Variants in FSTL5 observed in about 807,000 individuals in gnomAD.
FSTL5 encodes the protein follistatin like 5.
FSTL5 carries 62 observed loss-of-function variants against 89.1 expected under a neutral mutation model. That is an observed-to-expected ratio of 0.70 (90% CI 0.57 to 0.86). FSTL5 has a LOEUF of 0.86. Ranked by LOEUF, FSTL5 falls within the 40% of genes least tolerant of loss-of-function variation. The pLI is 0.00. For synonymous variants in FSTL5, 383 were observed against 346.2 expected (o/e 1.11, Z -1.18); for missense variants, 1,057 against 1,001.6 (o/e 1.06, Z -0.75).
At chr4:161,625,495 T>G (rs532994257) in intron 7 of FSTL5, among the ~76,000 whole-genome samples, 1 of 152,212 alleles carries the variant, frequency 6.6e-6, no homozygotes, top group South Asian at 2.1e-4. Flanking sequence ...AAAAATTGCG[T>G]GTGTTCTTAA....
At chr4:161,472,815 C>T (rs1326589210) in intron 13 of FSTL5, among the ~76,000 whole-genome samples, 1 of 151,864 alleles carries the variant, frequency 6.6e-6, no homozygotes, top group Admixed American at 6.6e-5. Context: ...ACCTCTGCCT[C>T]CTGGGTTCAA....
chr4:162,131,620 A>G (rs1443775657), intron 1 of FSTL5, among the ~76,000 whole-genome samples: 2 of 152,158 alleles, frequency 1.3e-5, no homozygotes, highest in African/African-American at 2.4e-5. Flanking sequence ...ACCCCATGCA[A>G]TTGGAGAGTA....
At chr4:161,529,931 G>T (rs1731353257) in intron 10 of FSTL5, among the ~76,000 whole-genome samples, 1 of 142,554 alleles carries the variant, frequency 7.0e-6, no homozygotes, top group African/African-American at 2.5e-5. Context: ...GATGACTTTT[G>T]CATTTGGCTT....
At chr4:162,089,651 GA>G (rs76543135) in intron 2 of FSTL5, among the ~76,000 whole-genome samples, 5,999 of 82,820 alleles carry the variant, frequency 0.072, 252 homozygotes, top group South Asian at 0.16. Context: ...AAAAAAAAAA[GA>G]AAAAAAAGAA....
chr4:161,877,114 G>A (rs905606848), intron 4 of FSTL5, among the ~76,000 whole-genome samples: 5 of 150,182 alleles, frequency 3.3e-5, no homozygotes, highest in Non-Finnish European at 5.9e-5. Context: ...AACCCAGGAG[G>A]TGGAGGTTGC....
chr4:161,834,207 G>A (rs1434703732), intron 4 of FSTL5, among the ~76,000 whole-genome samples: 2 of 152,084 alleles, frequency 1.3e-5, no homozygotes, highest in Non-Finnish European at 2.9e-5. Flanking sequence ...AAAACCACAT[G>A]ATTATCTCAA....
chr4:161,911,610 T>A (rs1334829958), intron 4 of FSTL5, among the ~76,000 whole-genome samples: 1 of 152,134 alleles, frequency 6.6e-6, no homozygotes, highest in East Asian at 1.9e-4. Flanking sequence ...AAGAAAGACA[T>A]GACAGGTAGA....
At chr4:162,077,188 G>A (rs1271818130) in intron 2 of FSTL5, among the ~76,000 whole-genome samples, 1 of 151,778 alleles carries the variant, frequency 6.6e-6, no homozygotes, top group Non-Finnish European at 1.5e-5. Flanking sequence ...GTCTTCCCTG[G>A]CAGAAAAGCA....
chr4:161,425,712 G>A (rs926589378), intron 15 of FSTL5, among the ~76,000 whole-genome samples: 4 of 152,154 alleles, frequency 2.6e-5, no homozygotes, highest in Non-Finnish European at 5.9e-5. Flanking sequence ...TGGAGCTGGA[G>A]TGACTTTGGA....
intron 10 of FSTL5, among the ~76,000 whole-genome samples, chr4:161,520,765 A>G (rs1730995732): frequency 6.6e-6 from 1 of 152,212 alleles, no homozygotes; most frequent in Non-Finnish European, 1.5e-5. Context: ...CAAAAATTGA[A>G]GAATTACAAA....
chr4:161,818,621 G>T (rs185694208), intron 4 of FSTL5, among the ~76,000 whole-genome samples: 2 of 152,178 alleles, frequency 1.3e-5, no homozygotes, highest in Non-Finnish European at 2.9e-5. Flanking sequence ...TTGTAGAAGT[G>T]AGCCACACCC....
intron 9 of FSTL5, among the ~76,000 whole-genome samples, 153 bp from the exon 10 acceptor site, chr4:161,538,453 A>G (rs1731708747): frequency 6.6e-6 from 1 of 152,198 alleles, no homozygotes; most frequent in Non-Finnish European, 1.5e-5. Flanking sequence ...AAATTATTCC[A>G]GAAGCATTCA....
intron 13 of FSTL5, among the ~76,000 whole-genome samples, chr4:161,466,384 A>T (rs1292623597): frequency 6.6e-6 from 1 of 152,206 alleles, no homozygotes; most frequent in East Asian, 1.9e-4. Context: ...AGCAGCAAAG[A>T]TACACAGAAC....
At chr4:161,965,517 G>C (rs917529201) in intron 3 of FSTL5, among the ~76,000 whole-genome samples, 2 of 152,090 alleles carry the variant, frequency 1.3e-5, no homozygotes, top group African/African-American at 4.8e-5. Flanking sequence ...TGGTGGCAGA[G>C]AGTTTCCAGG....
At chr4:161,895,961 T>C (rs1021287725) in intron 4 of FSTL5, among the ~76,000 whole-genome samples, 7 of 152,190 alleles carry the variant, frequency 4.6e-5, no homozygotes, top group Non-Finnish European at 8.8e-5. Flanking sequence ...AGAAATCTGA[T>C]GATATTGGGC....
rs1404378956 is a variant in FSTL5 at position 162,111,200 on chromosome 4, T to C, written c.126+71A>G. On this transcript the variant is annotated intron_variant, in intron 2 of 15. Coordinates refer to ENST00000306100, the MANE Select transcript of FSTL5 (RefSeq NM_020116.5). ...GAAATAAGTGCTCCTAAGTGAATAA[T>C]AAACCAGAAAACTAATAGCTTAGTT... 1.5e-5 allele frequency: 19 copies of C among 1,307,574 alleles called. No individual in the cohort carries two copies. In the Admixed American group the frequency reaches 3.1e-4, roughly 21 times the overall value. The allele number at this position is 1,307,574 out of a possible 1,614,324, so 81.0% of individuals were successfully genotyped here.
intron 14 of FSTL5, among the ~76,000 whole-genome samples, chr4:161,456,853 C>T (rs1243626585): frequency 6.6e-6 from 1 of 152,126 alleles, no homozygotes; most frequent in African/African-American, 2.4e-5. Flanking sequence ...CTCCTTTGAA[C>T]CATTTACTGA....
intron 13 of FSTL5, among the ~76,000 whole-genome samples, chr4:161,463,576 A>G (rs963487182): frequency 4.6e-5 from 7 of 152,214 alleles, no homozygotes; most frequent in African/African-American, 1.7e-4. Context: ...CAACTTTGGC[A>G]AGGGAATAAA....
intron 8 of FSTL5, among the ~76,000 whole-genome samples, chr4:161,570,449 A>G (rs898223087): frequency 4.6e-5 from 7 of 152,144 alleles, no homozygotes; most frequent in Non-Finnish European, 8.8e-5. Context: ...GGAAAGAGAA[A>G]TAGGGTAGGA....
Sources: allele counts gnomAD v4.1 joint callset (sites outside exome capture counted in the v4.1 genomes callset), GRCh38; gene constraint gnomAD v4.1.1; transcripts MANE v1.5; gene names NCBI Gene and HGNC (gene_info 2026-07-23, HGNC 2026-07-21).